MEIS2: variants seen among roughly 807,000 people sequenced by gnomAD.
MEIS2 encodes the protein Meis homeobox 2, also known as homeobox protein Meis2.
MEIS2 carries 9 observed loss-of-function variants against 58.6 expected under a neutral mutation model. The ratio of observed to expected loss-of-function variants is 0.15; its 90% CI spans 0.09 to 0.27. MEIS2 has a LOEUF of 0.27. Ranked by LOEUF, MEIS2 falls within the 10% of genes least tolerant of loss-of-function variation. The pLI is 1.00. For missense variants in MEIS2, 427 were observed against 635.0 expected (o/e 0.67, Z 3.52); for synonymous variants, 221 against 228.4 (o/e 0.97, Z 0.29).
intron 9 of MEIS2, among the ~76,000 whole-genome samples, chr15:36,928,169 T>C: frequency 6.6e-6 from 1 of 152,180 alleles, no homozygotes; most frequent in Non-Finnish European, 1.5e-5. Context: ...ATGAACTATT[T>C]GCAGAAAGGG....
intron 8 of MEIS2, among the ~76,000 whole-genome samples, chr15:36,958,690 C>T (rs555773265): frequency 3.3e-5 from 5 of 152,164 alleles, no homozygotes; most frequent in African/African-American, 9.6e-5. Flanking sequence ...GAAATATATT[C>T]CCAAGGCTAG....
At chr15:37,049,636 G>A (rs888462501) in intron 7 of MEIS2, among the ~76,000 whole-genome samples, 37 of 151,850 alleles carry the variant, frequency 2.4e-4, no homozygotes, top group Non-Finnish European at 2.9e-4. Context: ...ACTGGTGTGC[G>A]CCACCATGCC....
At chr15:36,921,613 C>A (rs1020882581) in intron 9 of MEIS2, among the ~76,000 whole-genome samples, 1 of 152,100 alleles carries the variant, frequency 6.6e-6, no homozygotes, top group African/African-American at 2.4e-5. Flanking sequence ...CAAAGTGTGC[C>A]CCCACCTTTT....
intron 9 of MEIS2, among the ~76,000 whole-genome samples, chr15:36,914,659 G>A (rs1251199303): frequency 6.6e-6 from 1 of 152,188 alleles, no homozygotes; most frequent in African/African-American, 2.4e-5. Context: ...ATCCCTGGGA[G>A]GGCTCTGGCT....
chr15:37,031,939 A>G (rs750800991), intron 8 of MEIS2, among the ~76,000 whole-genome samples: 11 of 150,866 alleles, frequency 7.3e-5, no homozygotes, highest in Non-Finnish European at 1.5e-4. Flanking sequence ...CCTGGGCTCA[A>G]ATGATCTTCC....
intron 9 of MEIS2, 38 bp downstream of exon 9, chr15:36,950,286 A>G: frequency 2.0e-6 from 3 of 1,468,222 alleles, no homozygotes; most frequent in Non-Finnish European, 2.8e-6. Context: ...ATCTCATTTT[A>G]GCCATGGGAG....
At chr15:36,892,513 C>A in intron 11 of MEIS2, 54 bp from the exon 12 acceptor site, 37 of 1,051,490 alleles carry the variant, frequency 3.5e-5, no homozygotes, top group Non-Finnish European at 4.9e-5. Context: ...CATTTTTATA[C>A]TTTACCCATC....
chr15:37,024,189 C>T (rs1003046169), intron 8 of MEIS2, among the ~76,000 whole-genome samples: 5 of 152,130 alleles, frequency 3.3e-5, no homozygotes, highest in Admixed American at 6.5e-5. Flanking sequence ...TGAGCCACTG[C>T]GCCTGTCCTG....
chr15:37,069,911 AC>A (rs1304197954), intron 7 of MEIS2, among the ~76,000 whole-genome samples: 1 of 152,130 alleles, frequency 6.6e-6, no homozygotes, highest in Non-Finnish European at 1.5e-5. Flanking sequence ...AGCAAGCAGA[AC>A]CAAGCCATCC....
At chr15:36,926,095 C>T (rs938368259) in intron 9 of MEIS2, among the ~76,000 whole-genome samples, 2 of 151,976 alleles carry the variant, frequency 1.3e-5, no homozygotes, top group Admixed American at 1.3e-4. Context: ...TATGTTCTTC[C>T]AGGCTGTCAA....
At chr15:36,976,800 A>G (rs1250927994) in intron 8 of MEIS2, among the ~76,000 whole-genome samples, 1 of 152,126 alleles carries the variant, frequency 6.6e-6, no homozygotes, top group African/African-American at 2.4e-5. Context: ...AAGAGGAGTA[A>G]AACACAATCC....
intron 7 of MEIS2, among the ~76,000 whole-genome samples, chr15:37,049,611 C>T (rs1232168828): frequency 6.6e-6 from 1 of 151,818 alleles, no homozygotes; most frequent in African/African-American, 2.4e-5. Context: ...CTCAGCCTCC[C>T]GAGTAGCTGG....
chr15:36,938,044 G>A (rs1595763785), intron 9 of MEIS2, among the ~76,000 whole-genome samples: 1 of 151,940 alleles, frequency 6.6e-6, no homozygotes, highest in Non-Finnish European at 1.5e-5. Context: ...GATTTTAAAC[G>A]ATGTTTGAAA....
intron 3 of MEIS2, chr15:37,096,087 G>A (rs1462243098): frequency 3.6e-6 from 2 of 550,550 alleles, no homozygotes; most frequent in South Asian, 2.9e-5. Flanking sequence ...TATTCCTGCT[G>A]GGGGGGAAAA....
intron 7 of MEIS2, 56 bp downstream of exon 7, chr15:37,083,715 A>G: frequency 6.9e-7 from 1 of 1,445,446 alleles, no homozygotes; most frequent in Non-Finnish European, 9.7e-7. Context: ...ATCATAAAAT[A>G]CTGAAGTTAT....
rs181423393 is a variant in MEIS2, at chr15:36,905,778, C to A, written c.978-9092G>T. ...AAAGTTATATATAAAATTATCAATA[C>A]ATACATATATAGTTATATGAGTTTC... On this transcript the variant is annotated intron_variant, in intron 9 of 11. Transcript: ENST00000561208. Among the ~76,000 whole-genome samples the A allele has an allele frequency of 6.0e-3, 909 of 152,200 alleles. 6 individuals are homozygous for A. The highest frequency in any genetic ancestry group is 9.6e-3 in the Non-Finnish European group (653 of 68,020).
At chr15:36,970,303 C>G (rs1360100199) in intron 8 of MEIS2, among the ~76,000 whole-genome samples, 1 of 151,672 alleles carries the variant, frequency 6.6e-6, no homozygotes, top group East Asian at 2.0e-4. Flanking sequence ...ACTCGGGAGG[C>G]TGAGGCAGGA....
At chr15:37,019,319 G>C (rs912939552) in intron 8 of MEIS2, among the ~76,000 whole-genome samples, 2 of 152,148 alleles carry the variant, frequency 1.3e-5, no homozygotes, top group African/African-American at 4.8e-5. Context: ...CCCTTGTGTA[G>C]AAGAGGCATA....
chr15:37,068,830 A>C lies in MEIS2; in HGVS notation c.754+14941T>G, dbSNP rs764022857. Among the ~76,000 whole-genome samples, 8 of 152,306 alleles carry C rather than the reference A, an allele frequency of 5.3e-5. No individual in the cohort carries two copies. The South Asian group carries it at 1.7e-3, about 32-fold the overall frequency. On this transcript the variant is annotated intron_variant, in intron 7 of 11. Coordinates refer to ENST00000561208, the MANE Select transcript of MEIS2 (RefSeq NM_170675.5). ...GTCTCTAGGGTAGAGATGTTATATAAGGTAGGAAGACGTCCATGAACTTCA... is the reference window on the plus strand; with the variant it reads ...GTCTCTAGGGTAGAGATGTTATATACGGTAGGAAGACGTCCATGAACTTCA...
Sources: gnomAD v4.1 joint callset for allele counts (sites outside exome capture counted in the v4.1 genomes callset) on GRCh38, gnomAD v4.1.1 for gene constraint, MANE v1.5 for transcripts, NCBI Gene and HGNC (gene_info 2026-07-23, HGNC 2026-07-21) for gene names.